DGKZ: variants seen among roughly 807,000 people sequenced by gnomAD.
DGKZ encodes the protein DAG kinase zeta.
In DGKZ, 45 loss-of-function variants were observed where a neutral mutation model predicts 142.5. That is an observed-to-expected ratio of 0.32 (90% CI 0.25 to 0.40). The LOEUF is 0.40. DGKZ is among the 10% of genes least tolerant of loss of function. The pLI, the probability that DGKZ is intolerant of heterozygous loss-of-function variation, is 1.00. For synonymous variants in DGKZ, 442 were observed against 527.0 expected, an observed-to-expected ratio of 0.84 and a Z score of 2.21; for missense variants, 755 against 1,306.5, an observed-to-expected ratio of 0.58 and a Z score of 6.51.
intron 24 of DGKZ, 31 bp downstream of exon 24, chr11:46,376,595 G>A: frequency 6.2e-7 from 1 of 1,612,628 alleles, no homozygotes; most frequent in Non-Finnish European, 8.5e-7. Flanking sequence ...TCCAGCCACA[G>A]CTGCTTCCGG....
chr11:46,360,910 A>G (rs1942572861), intron 1 of DGKZ, among the ~76,000 whole-genome samples: 1 of 152,194 alleles, frequency 6.6e-6, no homozygotes, highest in Non-Finnish European at 1.5e-5. Flanking sequence ...CAGGATACAT[A>G]TAACACAGAC....
intron 1 of DGKZ, chr11:46,365,462 C>T: frequency 1.0e-6 from 1 of 985,396 alleles, no homozygotes; most frequent in Non-Finnish European, 1.2e-6. Context: ...GAAGGCTTTG[C>T]TTTTGGCCCA....
chr11:46,349,772 A>T (rs1034013569), intron 1 of DGKZ, among the ~76,000 whole-genome samples: 3 of 152,236 alleles, frequency 2.0e-5, no homozygotes, highest in African/African-American at 4.8e-5. Flanking sequence ...AGCAAGGAAG[A>T]GGTAGAGATA....
rs375124914 is a variant in DGKZ at position 46,370,025 on chromosome 11, C to T, written c.570+16C>T. ...CTGTGGGAAGGTGAGAGGCCCTGCCCGAGGACATCGCCACCTGCACCTGCG... is the reference window on the plus strand; with the variant it reads ...CTGTGGGAAGGTGAGAGGCCCTGCCTGAGGACATCGCCACCTGCACCTGCG... On this transcript the variant is annotated intron_variant, in intron 6 of 30. Transcript: ENST00000527911. 2.2e-5 allele frequency: 35 copies of T among 1,613,312 alleles called. No individual in the cohort carries two copies. The highest frequency in any genetic ancestry group is 2.7e-5 in the African/African-American group (2 of 74,942).
intron 1 of DGKZ, among the ~76,000 whole-genome samples, chr11:46,357,940 A>G (rs1446134598): frequency 6.6e-6 from 1 of 152,170 alleles, no homozygotes. Flanking sequence ...CTTGGTTAGA[A>G]CTAAGGCTTC....
chr11:46,375,840 C>T lies in DGKZ; in HGVS notation c.1911-11C>T, dbSNP rs901734249. ...CTTGCTGAGCCCCCGCTTGCCGGCCCTGCCCGACAGCCAGCAGCCGGTGCC... is the reference window on the plus strand; with the variant it reads ...CTTGCTGAGCCCCCGCTTGCCGGCCTTGCCCGACAGCCAGCAGCCGGTGCC... On this transcript the variant is annotated splice_polypyrimidine_tract_variant and intron_variant, in intron 20 of 30. Coordinates refer to ENST00000527911, the Ensembl canonical transcript of DGKZ. 4 of 1,553,320 alleles carry T rather than the reference C, an allele frequency of 2.6e-6. No homozygotes were observed. The Admixed American group carries it at 7.8e-5, about 30-fold the overall frequency.
At chr11:46,368,157 G>A (rs764313975) in intron 4 of DGKZ, 78 bp downstream of exon 4, 6 of 1,489,440 alleles carry the variant, frequency 4.0e-6, no homozygotes, top group Non-Finnish European at 3.7e-6. Context: ...ACACCCACAT[G>A]TTATACAAAC....
At position 46,372,038 on chromosome 11, in the gene DGKZ, C is replaced by A. The variant is rs753677595; in HGVS notation, c.832-37C>A. On this transcript the variant is annotated intron_variant, in intron 9 of 30. Coordinates refer to ENST00000527911, the Ensembl canonical transcript of DGKZ. The surrounding 1 kb of genome is among the most constrained non-coding windows in gnomAD (Gnocchi z 5.9). ...AAGGATGATGGTAGGGTGTCCTGGACGGGAAGGAGCTTACAGCCTCTCACC... is the reference window on the plus strand; with the variant it reads ...AAGGATGATGGTAGGGTGTCCTGGAAGGGAAGGAGCTTACAGCCTCTCACC... 4 of 1,564,904 alleles carry A rather than the reference C, an allele frequency of 2.6e-6. No homozygotes were observed. Among genetic ancestry groups the A allele is most frequent in the Non-Finnish European group, 3.5e-6 (4 of 1,148,680 alleles).
chr11:46,357,791 G>A (rs910703454), intron 1 of DGKZ, among the ~76,000 whole-genome samples: 3 of 152,248 alleles, frequency 2.0e-5, no homozygotes, highest in African/African-American at 4.8e-5. Flanking sequence ...TGAGTAGGAG[G>A]GGTGTTCCGT....
chr11:46,369,570 A>G lies in DGKZ; in HGVS notation c.501+20A>G, dbSNP rs1943711545. ...CGCGAGGTAAGTGCCCAGGGTGGTC[A>G]GGGATGGGGCCACCCTAAGATTCCT... On this transcript the variant is annotated intron_variant, in intron 5 of 30. Transcript: ENST00000527911. The G allele has an allele frequency of 5.0e-6, 8 of 1,611,926 alleles. No individual in the cohort carries two copies. Among genetic ancestry groups the G allele is most frequent in the East Asian group, 2.2e-5 (1 of 44,892 alleles).
intron 19 of DGKZ, 33 bp downstream of exon 19, chr11:46,375,078 G>T (rs748401635): frequency 5.0e-5 from 77 of 1,540,748 alleles, no homozygotes; most frequent in Non-Finnish European, 6.4e-5. Flanking sequence ...GTGCCTGGGA[G>T]CACAGCCCAA....
At chr11:46,335,451 A>G (rs905455693) in intron 1 of DGKZ, among the ~76,000 whole-genome samples, 5 of 152,002 alleles carry the variant, frequency 3.3e-5, no homozygotes, top group East Asian at 1.9e-4. Context: ...ACACACACAC[A>G]CACGCACACA....
intron 27 of DGKZ, chr11:46,378,717 C>T (rs1221137489): frequency 2.4e-6 from 2 of 837,832 alleles, no homozygotes; most frequent in African/African-American, 1.7e-5. Flanking sequence ...TAGCTCAGTC[C>T]ACCTGTCCCT....
intron 1 of DGKZ, among the ~76,000 whole-genome samples, chr11:46,337,720 A>G (rs1784674023): frequency 1.3e-5 from 2 of 152,080 alleles, no homozygotes; most frequent in Admixed American, 6.6e-5. Flanking sequence ...TTTGGAAACC[A>G]CTGGTTTTGC....
At chr11:46,377,364 T>G in intron 25 of DGKZ, 152 bp downstream of exon 25, 6 of 1,370,184 alleles carry the variant, frequency 4.4e-6, no homozygotes, top group Non-Finnish European at 5.8e-6. Context: ...CCTTCAGCCC[T>G]GTGGTTCTGT....
chr11:46,367,794 G>T lies in DGKZ; in HGVS notation c.366+47G>T, dbSNP rs757465573. On this transcript the variant is annotated intron_variant, in intron 3 of 30. Transcript: ENST00000527911. The surrounding 1 kb of genome is among the most constrained non-coding windows in gnomAD (Gnocchi z 4.1). ...CCGCCCCCTGCTGGTGGAGCCAGTA[G>T]CCGCAGCCCTTCCGGGAACGTGGGA... is the stretch of plus-strand genomic sequence containing the variant. 1.9e-6 allele frequency: 3 copies of T among 1,607,652 alleles called. No homozygotes were observed. In the Admixed American group the frequency reaches 5.0e-5, roughly 27 times the overall value.
chr11:46,378,402 A>G, intron 26 of DGKZ, 55 bp from the exon 27 acceptor site: 1 of 1,559,848 alleles, frequency 6.4e-7, no homozygotes. Flanking sequence ...CCACTGAGGC[A>G]CCAACCCAAG....
chr11:46,379,757 G>GCC lies in DGKZ; in HGVS notation c.2689-71_2689-70dup, dbSNP rs949432700. On this transcript the variant is annotated intron_variant, in intron 30 of 30. Transcript: ENST00000527911. The stretch of plus-strand genomic sequence containing the variant: ...CCTGACCAGGCCACAGGGAGGTAGA[G>GCC]CCCCTGCCTCTCAGCCTGCTAGGGG... The GCC allele has an allele frequency of 9.7e-6, 14 of 1,436,484 alleles. No homozygotes were observed. In the Admixed American group the frequency reaches 2.8e-4, roughly 29 times the overall value. 89.0% of individuals were successfully genotyped at this position (1,436,484 alleles called of 1,614,324 possible). A position where few individuals can be genotyped will look rare whatever the true frequency, so the allele number is the denominator to read the frequency against.
intron 1 of DGKZ, among the ~76,000 whole-genome samples, chr11:46,356,282 C>T (rs141857604): frequency 9.4e-4 from 143 of 152,282 alleles, no homozygotes; most frequent in African/African-American, 3.2e-3. Flanking sequence ...CAGCCCAGAC[C>T]AGACTTGTCC....
Sources: allele counts gnomAD v4.1 joint callset (sites outside exome capture counted in the v4.1 genomes callset), GRCh38; gene constraint gnomAD v4.1.1; non-coding constraint Gnocchi (gnomAD v3.1); transcripts MANE v1.5; gene names NCBI Gene and HGNC (gene_info 2026-07-23, HGNC 2026-07-21).